Variants in SMIM24 observed in about 807,000 individuals in gnomAD.
The protein encoded by SMIM24 is MAP17-related dimer.
Under a neutral mutation model 10.8 loss-of-function variants are expected in SMIM24, and 6 were observed. The ratio of observed to expected loss-of-function variants is 0.55; its 90% CI spans 0.30 to 1.09. The LOEUF (loss-of-function observed/expected upper bound fraction) is 1.09. Ranked by LOEUF, SMIM24 falls within the 50% of genes least tolerant of loss-of-function variation. The pLI, the probability that SMIM24 is intolerant of heterozygous loss-of-function variation, is 0.06. For synonymous variants in SMIM24, 71 were observed against 62.4 expected (o/e 1.14, Z -0.65); for missense variants, 151 against 153.4 (o/e 0.98, Z 0.08).
intron 1 of SMIM24, 156 bp from the exon 2 acceptor site, chr19:3,479,085 G>A (rs949386095): frequency 9.9e-6 from 6 of 608,260 alleles, no homozygotes; most frequent in African/African-American, 1.9e-5. Context: ...GGATGGCGTA[G>A]GGGGGTCGGG....
intron 3 of SMIM24, among the ~76,000 whole-genome samples, chr19:3,477,061 G>GT (rs1437700219): frequency 1.6e-5 from 2 of 121,514 alleles, no homozygotes; most frequent in East Asian, 9.1e-4. Flanking sequence ...GAATGGATAG[G>GT]TCGGGGGGTG....
Position 3,474,825 on chromosome 19 carries a change from A to G in SMIM24, c.*18T>C. On this transcript the variant is annotated 3_prime_UTR_variant, in exon 4 of 4. Transcript: ENST00000215531. Reference sequence around the variant, plus strand: ...AGGCATCTCTGGGGGACTGCCTGGAAGAGGCAGCCAGGAATCTTCACATGA... The same window carrying G: ...AGGCATCTCTGGGGGACTGCCTGGAGGAGGCAGCCAGGAATCTTCACATGA... 1 of 1,549,696 alleles carries G rather than the reference A, an allele frequency of 6.5e-7. No homozygotes were observed. Among genetic ancestry groups the G allele is most frequent in the Non-Finnish European group, 8.7e-7 (1 of 1,146,450 alleles).
At chr19:3,478,213 G>A (rs532196900) in intron 3 of SMIM24, among the ~76,000 whole-genome samples, 2 of 152,312 alleles carry the variant, frequency 1.3e-5, no homozygotes, top group Non-Finnish European at 2.9e-5. Context: ...GCTGGGGACA[G>A]TGTCAGGAAG....
chr19:3,478,358 A>T lies in SMIM24; in HGVS notation c.239+61T>A, dbSNP rs373603964. 13 of 1,458,664 alleles carry T rather than the reference A, an allele frequency of 8.9e-6. No individual in the cohort carries two copies. The East Asian group carries it at 1.0e-4, about 11-fold the overall frequency. The allele number at this position is 1,458,664 out of a possible 1,614,324, so 90.4% of individuals were successfully genotyped here. A position where few individuals can be genotyped will look rare whatever the true frequency, so the allele number is the denominator to read the frequency against. On this transcript the variant is annotated intron_variant, in intron 3 of 3. Coordinates refer to ENST00000215531, the MANE Select transcript of SMIM24 (RefSeq NM_001136503.2). ...CAGGACAGCAAGGTCATCTGCGCAC[A>T]CCCATTCCCCCACCCCGAGGAGGGG...
chr19:3,478,633 G>C (rs1277338163), intron 2 of SMIM24, 155 bp from the exon 3 acceptor site: 9 of 899,098 alleles, frequency 1.0e-5, no homozygotes, highest in South Asian at 3.5e-5. Flanking sequence ...TGCCTGGCTC[G>C]TTGTCTTGGG....
In SMIM24 at chr19:3,474,852, T is replaced by C; in HGVS notation, c.384A>G (p.Thr128=). 3.9e-6 allele frequency: 6 copies of C among 1,551,484 alleles called. No individual in the cohort carries two copies. The highest frequency in any genetic ancestry group is 5.2e-6 in the Non-Finnish European group (6 of 1,146,956). The part of the protein sequence containing the change: ...EPGDHERAKS[T]VM The stretch of plus-strand genomic sequence containing the variant: ...AGGCAGCCAGGAATCTTCACATGAC[T>C]GTGCTCTTTGCTCTCTCATGGTCTC... The change falls in exon 4 of 4, where the codon ACA becomes ACG. Residue 128 remains threonine (T), a synonymous_variant. Coordinates refer to ENST00000215531, the MANE Select transcript of SMIM24 (RefSeq NM_001136503.2).
intron 3 of SMIM24, 72 bp from the exon 4 acceptor site, chr19:3,475,068 G>C (rs2082787272): frequency 6.8e-7 from 1 of 1,477,408 alleles, no homozygotes; most frequent in Non-Finnish European, 9.1e-7. Flanking sequence ...ACTCACTTGA[G>C]CCAGCCCATG....
chr19:3,478,488 T>C lies in SMIM24; in HGVS notation c.180-10A>G, dbSNP rs542074058. Reference sequence around the variant, plus strand: ...CTCCTCGTCCTCAGCCCTGCAGAGATAAAGGGAAAGGTGGAAGGGGGCGGG... The same window carrying C: ...CTCCTCGTCCTCAGCCCTGCAGAGACAAAGGGAAAGGTGGAAGGGGGCGGG... On this transcript the variant is annotated splice_polypyrimidine_tract_variant and intron_variant, in intron 2 of 3. Coordinates refer to ENST00000215531, the MANE Select transcript of SMIM24 (RefSeq NM_001136503.2). The C allele has an allele frequency of 1.3e-6, 2 of 1,541,244 alleles. No homozygotes were observed. Among genetic ancestry groups the C allele is most frequent in the South Asian group, 1.2e-5 (1 of 83,318 alleles).
At chr19:3,476,177 A>T (rs1409958261) in intron 3 of SMIM24, among the ~76,000 whole-genome samples, 1 of 151,824 alleles carries the variant, frequency 6.6e-6, no homozygotes, top group African/African-American at 2.4e-5. Context: ...TAATAAGTAG[A>T]TGAATGGATG....
At chr19:3,478,348 A>T in intron 3 of SMIM24, 71 bp downstream of exon 3, 1 of 1,398,956 alleles carries the variant, frequency 7.1e-7, no homozygotes, top group Non-Finnish European at 9.7e-7. Context: ...CAGCAAGGTC[A>T]TCTGCGCACA....
intron 3 of SMIM24, among the ~76,000 whole-genome samples, chr19:3,477,515 G>A (rs1053903508): frequency 1.4e-4 from 21 of 149,768 alleles, no homozygotes; most frequent in South Asian, 1.1e-3. Flanking sequence ...ATGGATGGTG[G>A]GTGATGGATG....
intron 3 of SMIM24, among the ~76,000 whole-genome samples, 154 bp from the exon 4 acceptor site, chr19:3,475,150 C>T (rs920122208): frequency 1.3e-5 from 2 of 152,214 alleles, no homozygotes; most frequent in South Asian, 2.1e-4. Context: ...TCACGATTTC[C>T]ATTTCACAAA....
Position 3,478,879 on chromosome 19 carries a change from C to T in SMIM24, c.118G>A (p.Gly40Ser), listed in dbSNP as rs1193375504. 9 of 1,549,752 alleles carry T rather than the reference C, an allele frequency of 5.8e-6. No homozygotes were observed. Among genetic ancestry groups the T allele is most frequent in the African/African-American group, 4.1e-5 (3 of 72,966 alleles). ...PWLVGLAAVV[G>S]FLFIVYLVLL... ...ACCAAATAGACGATGAACAGGAAGC[C>T]GACTACCGCAGCCAGGCCCACCAGC... The change falls in exon 2 of 4, where the codon GGC becomes AGC. Residue 40 changes from glycine to serine, a missense_variant. Physicochemically the swap from Gly to Ser is moderately conservative, Grantham distance 56. Coordinates refer to ENST00000215531, the MANE Select transcript of SMIM24 (RefSeq NM_001136503.2).
At chr19:3,479,089 G>C in intron 1 of SMIM24, 160 bp from the exon 2 acceptor site, 1 of 599,022 alleles carries the variant, frequency 1.7e-6, no homozygotes, top group Non-Finnish European at 2.9e-6. Flanking sequence ...GGCGTAGGGG[G>C]GTCGGGAGGG....
At position 3,474,853 on chromosome 19, in the gene SMIM24, G is replaced by A. The variant is rs771272652; in HGVS notation, c.383C>T (p.Thr128Ile). The A allele has an allele frequency of 6.8e-5, 106 of 1,551,256 alleles. No individual in the cohort carries two copies. The highest frequency in any genetic ancestry group is 7.9e-5 in the Non-Finnish European group (91 of 1,146,956). Residue 128 changes from threonine (T) to isoleucine (I), a missense_variant, in exon 4 of 4, where the codon ACA (threonine) becomes ATA (isoleucine). Transcript: ENST00000215531. ...EPGDHERAKSTVM is the reference protein window; with the variant it reads ...EPGDHERAKSIVM ...GGCAGCCAGGAATCTTCACATGACT[G>A]TGCTCTTTGCTCTCTCATGGTCTCC...
intron 3 of SMIM24, among the ~76,000 whole-genome samples, chr19:3,477,733 G>A (rs1599750727): frequency 7.4e-6 from 1 of 135,994 alleles, no homozygotes; most frequent in Non-Finnish European, 1.6e-5. Flanking sequence ...GGATGGGTGA[G>A]TGGGTGAATG....
intron 3 of SMIM24, among the ~76,000 whole-genome samples, chr19:3,477,151 G>A (rs1794468790): frequency 6.7e-6 from 1 of 148,924 alleles, no homozygotes; most frequent in Admixed American, 6.7e-5. Flanking sequence ...GATGGATGGT[G>A]GGTGGGTGGA....
Position 3,479,243 on chromosome 19 carries a change from G to A in SMIM24, c.68-314C>T, listed in dbSNP as rs148061515. Among the ~76,000 whole-genome samples, 1,243 of 151,340 alleles carry A rather than the reference G, an allele frequency of 8.2e-3. 23 individuals are homozygous for A. Among genetic ancestry groups the A allele is most frequent in the African/African-American group, 0.028 (1,149 of 41,126 alleles). On this transcript the variant is annotated intron_variant, in intron 1 of 3. Coordinates refer to ENST00000215531, the MANE Select transcript of SMIM24 (RefSeq NM_001136503.2). ...CAGAAGGGGCGGGGCTTATAATGCAGGCAGAGGCTCAGGGGGAGGGGCTTA... is the reference window on the plus strand; with the variant it reads ...CAGAAGGGGCGGGGCTTATAATGCAAGCAGAGGCTCAGGGGGAGGGGCTTA...
intron 2 of SMIM24, 101 bp downstream of exon 2, chr19:3,478,717 C>A: frequency 1.0e-6 from 1 of 995,134 alleles, no homozygotes; most frequent in Non-Finnish European, 1.5e-6. Flanking sequence ...AAATGGGAGA[C>A]CTTCGGACTT....
Sources: allele counts gnomAD v4.1 joint callset (sites outside exome capture counted in the v4.1 genomes callset), GRCh38; gene constraint gnomAD v4.1.1; transcripts MANE v1.5; gene names NCBI Gene and HGNC (gene_info 2026-07-23, HGNC 2026-07-21).